DNAH9: variants seen among roughly 807,000 people sequenced by gnomAD.
DNAH9 encodes dynein axonemal heavy chain 9, also known as DNAH9 variant protein.
A neutral mutation model predicts 471.6 loss-of-function variants in DNAH9; 345 were observed. That is an observed-to-expected ratio of 0.73 (90% CI 0.67 to 0.80). The LOEUF (loss-of-function observed/expected upper bound fraction) is 0.80, where lower values mean the gene tolerates loss of function less well. Among genes scored for constraint, DNAH9 ranks in the 30% least tolerant of loss-of-function variants. The probability of loss-of-function intolerance (pLI) is 0.00; values close to 1 mark genes in which losing one functional copy is unlikely to be tolerated. For synonymous variants in DNAH9, 2,093 were observed against 2,123.6 expected (o/e 0.99, Z 0.40); for missense variants, 5,407 against 5,609.2 (o/e 0.96, Z 1.15).
At chr17:11,836,347 A>C (rs1457504123) in intron 49 of DNAH9, among the ~76,000 whole-genome samples, 9 of 152,202 alleles carry the variant, frequency 5.9e-5, no homozygotes, top group Admixed American at 5.2e-4. Flanking sequence ...GGTTATAATA[A>C]AATTATATTT....
intron 50 of DNAH9, among the ~76,000 whole-genome samples, chr17:11,865,536 C>G (rs1188105755): frequency 6.6e-6 from 1 of 152,026 alleles, no homozygotes; most frequent in African/African-American, 2.4e-5. Flanking sequence ...TTGTGGCGTT[C>G]TCTGTATTTC....
chr17:11,790,440 C>A (rs562910479), intron 41 of DNAH9, among the ~76,000 whole-genome samples: 2 of 152,014 alleles, frequency 1.3e-5, no homozygotes, highest in East Asian at 3.9e-4. Context: ...TCTCTAAAAA[C>A]GATGTTTGCT....
At position 11,874,971 on chromosome 17, in the gene DNAH9, C is replaced by G; in HGVS notation, c.10265C>G (p.Ala3422Gly). Residue 3422 changes from alanine to glycine, a missense_variant, in exon 53 of 69, where the codon GCC becomes GGC. Physicochemically the swap from Ala to Gly is moderately conservative, Grantham distance 60. Transcript: ENST00000262442. ...CAGACTCCCATTCCAGTCACCCCAG[C>G]CCTGGATCCCCTGAGGATGCTGATG... ...QLKTPIPVTPALDPLRMLMDD... is the reference protein window; with the variant it reads ...QLKTPIPVTPGLDPLRMLMDD... The G allele has an allele frequency of 6.2e-7, 1 of 1,614,024 alleles. No homozygotes were observed. Among genetic ancestry groups the G allele is most frequent in the South Asian group, 1.1e-5 (1 of 91,072 alleles).
In DNAH9 at chr17:11,747,786, A is replaced by G. The variant is rs1966954696; in HGVS notation, c.6610+20A>G. ...AGGATGGTAAGAGTGGGATTCTCCC[A>G]GGAGAAAGTCTCTGCTAGCCTCAGA... On this transcript the variant is annotated intron_variant, in intron 32 of 68. Transcript: ENST00000262442. 2.5e-6 allele frequency: 4 copies of G among 1,603,128 alleles called. No homozygotes were observed. Among genetic ancestry groups the G allele is most frequent in the Non-Finnish European group, 3.4e-6 (4 of 1,170,190 alleles).
At chr17:11,821,708 G>T (rs1206511211) in intron 45 of DNAH9, among the ~76,000 whole-genome samples, 1 of 152,120 alleles carries the variant, frequency 6.6e-6, no homozygotes, top group Non-Finnish European at 1.5e-5. Flanking sequence ...GGACAAGAGG[G>T]TACCCTACAC....
At position 11,867,714 on chromosome 17, in the gene DNAH9, T is replaced by C. The variant is rs534412176; in HGVS notation, c.9934-1420T>C. On this transcript the variant is annotated intron_variant, in intron 50 of 68. Transcript: ENST00000262442. Reference sequence around the variant, plus strand: ...AAGAGTAGCGATCAAAAGCTAATTCTAGGTCTGCAGGCAAGGGCAGAGCTG... The same window carrying C: ...AAGAGTAGCGATCAAAAGCTAATTCCAGGTCTGCAGGCAAGGGCAGAGCTG... Among the ~76,000 whole-genome samples, 14 of 152,370 alleles carry C rather than the reference T, an allele frequency of 9.2e-5. No homozygotes were observed. In the South Asian group the frequency reaches 2.9e-3, roughly 32 times the overall value.
chr17:11,689,019 C>T (rs1325443006), intron 19 of DNAH9, among the ~76,000 whole-genome samples: 1 of 151,738 alleles, frequency 6.6e-6, no homozygotes, highest in Non-Finnish European at 1.5e-5. Flanking sequence ...TGCTTGAACC[C>T]GGGAGGCAGA....
chr17:11,612,476 C>A (rs2072659205), intron 4 of DNAH9: 1 of 152,292 alleles, frequency 6.6e-6, no homozygotes, highest in Admixed American at 6.6e-5. Flanking sequence ...CATGTTGTTA[C>A]CTCTCACCTC....
intron 15 of DNAH9, among the ~76,000 whole-genome samples, chr17:11,668,534 G>T (rs955354072): frequency 6.6e-6 from 1 of 151,958 alleles, no homozygotes; most frequent in Non-Finnish European, 1.5e-5. Context: ...GCATAGTGTC[G>T]CATGCCTGTA....
rs985790919 is a variant in DNAH9 at position 11,598,745 on chromosome 17, A to G, written c.247A>G (p.Ile83Val). 30 of 1,416,084 alleles carry G rather than the reference A, an allele frequency of 2.1e-5. No homozygotes were observed. Among genetic ancestry groups the G allele is most frequent in the Admixed American group, 6.2e-5 (2 of 32,194 alleles). The allele number at this position is 1,416,084 out of a possible 1,614,324, so 87.7% of individuals were successfully genotyped here. Residue 83 changes from isoleucine (I) to valine (V), a missense_variant, in exon 1 of 69, where the codon ATA (isoleucine) becomes GTA (valine). By Grantham distance (29) the Ile-to-Val change is conservative (BLOSUM62 3). This residue lies in a region of DNAH9 where 767 missense variants were observed against 692.5 expected (regional missense o/e 1.11). Coordinates refer to ENST00000262442, the MANE Select transcript of DNAH9 (RefSeq NM_001372.4). ...VVRPGPRGLA[I>V]RPGLEVGPES... The stretch of plus-strand genomic sequence containing the variant: ...GCGGCCCGGGCCCAGGGGCCTGGCA[A>G]TACGCCCCGGGCTGGAGGTGGGACC...
At chr17:11,651,446 T>A in intron 13 of DNAH9, 122 bp downstream of exon 13, 1 of 1,006,664 alleles carries the variant, frequency 9.9e-7, no homozygotes, top group Non-Finnish European at 1.4e-6. Context: ...GTCTGTCTTC[T>A]CCTTTGACAC....
chr17:11,913,904 A>G (rs571770570), intron 61 of DNAH9, among the ~76,000 whole-genome samples: 2 of 152,184 alleles, frequency 1.3e-5, no homozygotes, highest in Admixed American at 1.3e-4. Flanking sequence ...TGTGTCAGCT[A>G]TGTCTTTGTT....
In DNAH9 at chr17:11,752,912, A is replaced by G; in HGVS notation, c.6690A>G (p.Ile2230Met). 8.7e-6 allele frequency: 14 copies of G among 1,608,204 alleles called. No individual in the cohort carries two copies. The highest frequency in any genetic ancestry group is 1.1e-5 in the South Asian group (1 of 90,436). Residue 2230 changes from isoleucine (I) to methionine (M), a missense_variant, in exon 33 of 69, where the codon ATA becomes ATG. Ile to Met is a conservative substitution (Grantham distance 10, BLOSUM62 1). Coordinates refer to ENST00000262442, the MANE Select transcript of DNAH9 (RefSeq NM_001372.4). The part of the protein sequence containing the change: ...GPKWILLDGD[I>M]DPMWIESLNT... ...AGTGGATTTTACTGGATGGCGACAT[A>G]GATCCAATGTGGATTGAATCCCTGA...
chr17:11,848,306 G>GA (rs942150236), intron 49 of DNAH9, among the ~76,000 whole-genome samples: 3 of 151,616 alleles, frequency 2.0e-5, no homozygotes, highest in African/African-American at 4.8e-5. Flanking sequence ...TTGTCAACAT[G>GA]AAAAAAAAGT....
chr17:11,641,859 T>G (rs531953938), intron 10 of DNAH9, among the ~76,000 whole-genome samples: 6 of 152,034 alleles, frequency 3.9e-5, no homozygotes, highest in South Asian at 4.1e-4. Context: ...GGGAAACAGA[T>G]CGGGCAGAGA....
intron 50 of DNAH9, among the ~76,000 whole-genome samples, chr17:11,863,506 A>G (rs1339280797): frequency 1.3e-5 from 2 of 152,158 alleles, no homozygotes; most frequent in East Asian, 3.9e-4. Context: ...TCTCTGCCCG[A>G]CTTTGGTATC....
chr17:11,668,555 C>T (rs2150726450), intron 15 of DNAH9, among the ~76,000 whole-genome samples: 1 of 151,052 alleles, frequency 6.6e-6, no homozygotes, highest in East Asian at 2.0e-4. Context: ...GTCCCAGCTA[C>T]TTGGAAGGCT....
chr17:11,863,943 T>C lies in DNAH9; in HGVS notation c.9934-5191T>C, dbSNP rs548337726. Among the ~76,000 whole-genome samples the C allele has an allele frequency of 2.2e-4, 33 of 152,232 alleles. No homozygotes were observed. In the South Asian group the frequency reaches 3.1e-3, roughly 14 times the overall value. On this transcript the variant is annotated intron_variant, in intron 50 of 68. Coordinates refer to ENST00000262442, the MANE Select transcript of DNAH9 (RefSeq NM_001372.4). Reference sequence around the variant, plus strand: ...CTTTATTAGTCTTGCTAGCGGTCTATCAATTTTGTGGATCCTTTCAAAAAA... The same window carrying C: ...CTTTATTAGTCTTGCTAGCGGTCTACCAATTTTGTGGATCCTTTCAAAAAA...
intron 9 of DNAH9, among the ~76,000 whole-genome samples, chr17:11,638,520 G>A (rs924284528): frequency 1.3e-5 from 2 of 152,150 alleles, no homozygotes; most frequent in African/African-American, 4.8e-5. Context: ...GAGTAGCTGG[G>A]ATTACAGGTG....
Sources: gnomAD v4.1 joint callset for allele counts (sites outside exome capture counted in the v4.1 genomes callset) on GRCh38, gnomAD v4.1.1 for gene constraint, gnomAD v4.1.1 regional missense constraint, MANE v1.5 for transcripts, NCBI Gene and HGNC (gene_info 2026-07-23, HGNC 2026-07-21) for gene names.